SGO2: variants seen among roughly 807,000 people sequenced by gnomAD.
SGO2 encodes shugoshin 2, also known as shugoshin-like 2.
SGO2 carries 68 observed loss-of-function variants against 99.5 expected under a neutral mutation model. The ratio of observed to expected loss-of-function variants is 0.68; its 90% CI spans 0.56 to 0.84. SGO2 has a LOEUF of 0.84. Among genes scored for constraint, SGO2 ranks in the 40% least tolerant of loss-of-function variants. SGO2 has a pLI of 0.00. For missense variants in SGO2, 1,350 were observed against 1,436.7 expected (o/e 0.94, Z 0.97); for synonymous variants, 457 against 487.1 (o/e 0.94, Z 0.81).
At chr2:200,552,507 T>C (rs1169586129) in intron 5 of SGO2, among the ~76,000 whole-genome samples, 1 of 152,192 alleles carries the variant, frequency 6.6e-6, no homozygotes, top group African/African-American at 2.4e-5. Context: ...CTTGATCATA[T>C]GCGAAACAAG....
At chr2:200,538,283 A>G (rs559766333) in intron 4 of SGO2, among the ~76,000 whole-genome samples, 1 of 152,198 alleles carries the variant, frequency 6.6e-6, no homozygotes, top group East Asian at 1.9e-4. Flanking sequence ...TTTTCAGTGC[A>G]GTTCTCTTCC....
chr2:200,533,126 TA>T lies in SGO2; in HGVS notation c.133+22del. On this transcript the variant is annotated intron_variant, in intron 2 of 8. Transcript: ENST00000357799. ...AATACTAAGTAAGTGCCATCAGTTT[TA>T]AAATACACTCACGTTTTAACTTTTC... The T allele has an allele frequency of 6.5e-7, 1 of 1,549,672 alleles. No homozygotes were observed. The highest frequency in any genetic ancestry group is 8.7e-7 in the Non-Finnish European group (1 of 1,154,370).
At chr2:200,564,300 G>A (rs2033098323) in intron 5 of SGO2, among the ~76,000 whole-genome samples, 1 of 152,124 alleles carries the variant, frequency 6.6e-6, no homozygotes, top group Non-Finnish European at 1.5e-5. Flanking sequence ...CTTTATTTCT[G>A]CCTTCATTTC....
chr2:200,574,062 T>C (rs2033564363), intron 7 of SGO2, 85 bp downstream of exon 7: 1 of 1,032,370 alleles, frequency 9.7e-7, no homozygotes, highest in Non-Finnish European at 1.4e-6. Context: ...AGTGAAGTAT[T>C]TTCTAACTGG....
chr2:200,549,039 T>C (rs952178804), intron 5 of SGO2, among the ~76,000 whole-genome samples: 7 of 152,086 alleles, frequency 4.6e-5, no homozygotes, highest in Non-Finnish European at 8.8e-5. Context: ...GGAGAATTGC[T>C]TGAGGCCAGG....
At chr2:200,527,348 G>T (rs1381970532) in intron 1 of SGO2, among the ~76,000 whole-genome samples, 1 of 152,168 alleles carries the variant, frequency 6.6e-6, no homozygotes. Flanking sequence ...GGATTTTTTG[G>T]GAGATGAACT....
Position 200,571,920 on chromosome 2 carries a change from C to G in SGO2, c.1574C>G (p.Ser525Cys), listed in dbSNP as rs757029633. ...QESKFDKGQN[S>C]LTCNKSKASR... is the part of the protein sequence containing the mutation. ...AGTAAATTTGATAAGGGTCAGAATTCCCTAACTTGTAATAAAAGTAAAGCT... is the reference window on the plus strand; with the variant it reads ...AGTAAATTTGATAAGGGTCAGAATTGCCTAACTTGTAATAAAAGTAAAGCT... The change falls in exon 7 of 9, where the codon TCC becomes TGC. Residue 525 changes from serine to cysteine, a missense_variant. Coordinates refer to ENST00000357799, the MANE Select transcript of SGO2 (RefSeq NM_152524.6). The G allele has an allele frequency of 6.2e-7, 1 of 1,612,810 alleles. No homozygotes were observed. The highest frequency in any genetic ancestry group is 8.5e-7 in the Non-Finnish European group (1 of 1,179,478).
intron 1 of SGO2, among the ~76,000 whole-genome samples, chr2:200,528,725 G>T (rs1181655891): frequency 6.6e-6 from 1 of 152,166 alleles, no homozygotes; most frequent in East Asian, 1.9e-4. Flanking sequence ...AGTCCAGGGA[G>T]TATATGTAAA....
chr2:200,542,845 C>T (rs925972351), intron 5 of SGO2, 181 bp downstream of exon 5: 2 of 406,400 alleles, frequency 4.9e-6, no homozygotes, highest in South Asian at 1.1e-4. Context: ...AGGAAACTTA[C>T]GGTCAATCCC....
At chr2:200,538,980 A>G (rs2031830668) in intron 4 of SGO2, among the ~76,000 whole-genome samples, 1 of 152,126 alleles carries the variant, frequency 6.6e-6, no homozygotes, top group Admixed American at 6.6e-5. Flanking sequence ...AAGACCATAC[A>G]GTCTTTAGGC....
intron 5 of SGO2, among the ~76,000 whole-genome samples, chr2:200,558,111 C>A (rs548634010): frequency 6.6e-6 from 1 of 152,160 alleles, no homozygotes; most frequent in Non-Finnish European, 1.5e-5. Flanking sequence ...GATCTGTCCA[C>A]CTTCGCCTTC....
intron 2 of SGO2, among the ~76,000 whole-genome samples, chr2:200,534,513 C>T (rs1574834793): frequency 6.6e-6 from 1 of 152,046 alleles, no homozygotes; most frequent in Non-Finnish European, 1.5e-5. Flanking sequence ...TAAAAATGGG[C>T]GTTGGGAGTA....
At position 200,573,951 on chromosome 2, in the gene SGO2, ACCGG is replaced by A; in HGVS notation, c.3606_3609del (p.Asn1202LysfsTer8). ...ATGAACAAGATGAAATTTAAAGTCA[ACCGG>A]AGAACCCAAAAATCAGGAATAGGTA... On this transcript the variant is annotated frameshift_variant, in exon 7 of 9. Coordinates refer to ENST00000357799, the MANE Select transcript of SGO2 (RefSeq NM_152524.6). LOFTEE classifies it high-confidence loss of function. The A allele has an allele frequency of 6.3e-7, 1 of 1,592,594 alleles. No homozygotes were observed.
rs560556431 is a variant in SGO2 at position 200,573,624 on chromosome 2, A to T, written c.3278A>T (p.His1093Leu). The T allele has an allele frequency of 1.2e-6, 2 of 1,612,582 alleles. No homozygotes were observed. Among genetic ancestry groups the T allele is most frequent in the African/African-American group, 2.7e-5 (2 of 74,852 alleles). ...TCCATAGATCCTTCTCCAGAGAGCC[A>T]TGAAGTAATGGAAAGAATACTTGAC... Reference protein sequence around the residue: ...KTSIDPSPESHEVMERILDSV... With the variant: ...KTSIDPSPESLEVMERILDSV... The change falls in exon 7 of 9, where the codon CAT becomes CTT. Residue 1093 changes from histidine to leucine, a missense_variant. His to Leu is a moderately conservative substitution (Grantham distance 99, BLOSUM62 -3). Transcript: ENST00000357799.
At position 200,569,718 on chromosome 2, in the gene SGO2, G is replaced by T; in HGVS notation, c.529G>T (p.Asp177Tyr). Residue 177 changes from aspartate to tyrosine, a missense_variant, in exon 6 of 9, where the codon GAC (aspartate) becomes TAC (tyrosine). Asp to Tyr is a radical substitution (Grantham distance 160, BLOSUM62 -3). Coordinates refer to ENST00000357799, the MANE Select transcript of SGO2 (RefSeq NM_152524.6). The stretch of plus-strand genomic sequence containing the variant: ...TGAAGATAAAGAGAAAATGCAGTGT[G>T]ACAACAATATTAAATCAAAGACATT... ...EDEDKEKMQC[D>Y]NNIKSKTLPD... The T allele has an allele frequency of 3.1e-6, 5 of 1,612,610 alleles. No homozygotes were observed. The highest frequency in any genetic ancestry group is 4.2e-6 in the Non-Finnish European group (5 of 1,179,226).
chr2:200,538,248 C>T (rs747052995), intron 4 of SGO2, among the ~76,000 whole-genome samples: 6 of 152,136 alleles, frequency 3.9e-5, no homozygotes, highest in Non-Finnish European at 7.4e-5. Flanking sequence ...ATTTGCTACT[C>T]TCCTCTTTCT....
chr2:200,543,875 A>C (rs2032081180), intron 5 of SGO2, among the ~76,000 whole-genome samples: 1 of 152,326 alleles, frequency 6.6e-6, no homozygotes, highest in Non-Finnish European at 1.5e-5. Context: ...CTTTTGTTTG[A>C]AGTATATTAT....
intron 7 of SGO2, among the ~76,000 whole-genome samples, chr2:200,574,403 C>A (rs913599133): frequency 6.6e-6 from 1 of 151,968 alleles, no homozygotes; most frequent in African/African-American, 2.4e-5. Flanking sequence ...TGTGATCAAA[C>A]CCTTCTAGAT....
In SGO2 at chr2:200,570,794, A is replaced by T. The variant is rs949885524; in HGVS notation, c.704-256A>T. Among the ~76,000 whole-genome samples the T allele has an allele frequency of 2.0e-5, 3 of 151,568 alleles. No homozygotes were observed. The highest frequency in any genetic ancestry group is 4.4e-5 in the Non-Finnish European group (3 of 67,814). On this transcript the variant is annotated intron_variant, in intron 6 of 8. Transcript: ENST00000357799. This position sits in a 1 kb window ranked among gnomAD's most constrained non-coding sequence, Gnocchi z 4.4. Reference sequence around the variant, plus strand: ...ATGGTTCTACTGTTGGCTGTACTCCACTCTACTGTTGGGGCTGAGGCAGAA... The same window carrying T: ...ATGGTTCTACTGTTGGCTGTACTCCTCTCTACTGTTGGGGCTGAGGCAGAA...
Sources: gnomAD v4.1 joint callset for allele counts (sites outside exome capture counted in the v4.1 genomes callset) on GRCh38, gnomAD v4.1.1 for gene constraint, Gnocchi (gnomAD v3.1) non-coding constraint, MANE v1.5 for transcripts, NCBI Gene and HGNC (gene_info 2026-07-23, HGNC 2026-07-21) for gene names.